The following COL4A3 variants were observed in gnomAD, a reference collection of about 807,000 sequenced individuals.
The protein encoded by COL4A3 is collagen type IV alpha 3 chain.
COL4A3 carries 135 observed loss-of-function variants against 217.4 expected under a neutral mutation model. The ratio of observed to expected loss-of-function variants is 0.62; its 90% CI spans 0.54 to 0.72. The LOEUF (loss-of-function observed/expected upper bound fraction) is 0.72. Ranked by LOEUF, COL4A3 falls within the 30% of genes least tolerant of loss-of-function variation. The pLI, the probability that COL4A3 is intolerant of heterozygous loss-of-function variation, is 0.00. For synonymous variants in COL4A3, 690 were observed against 736.3 expected (o/e 0.94, Z 1.02); for missense variants, 1,868 against 2,119.9 (o/e 0.88, Z 2.33).
chr2:227,304,330 T>C (rs897228928), intron 46 of COL4A3, 186 bp downstream of exon 46: 10 of 673,268 alleles, frequency 1.5e-5, no homozygotes, highest in South Asian at 3.7e-5. Context: ...TTGGAATCTA[T>C]TGAAAGCAGT....
Position 227,284,256 on chromosome 2 carries a change from G to C in COL4A3, c.2792G>C (p.Gly931Ala). ...GTAAAGGGCCAGAGAGGAACCCCAGGAGCCAAGGGGGAACAAGGAGATAAA... is the reference window on the plus strand; with the variant it reads ...GTAAAGGGCCAGAGAGGAACCCCAGCAGCCAAGGGGGAACAAGGAGATAAA... ...PGVKGQRGTP[G>A]AKGEQGDKGN... Residue 931 changes from glycine to alanine, a missense_variant, in exon 34 of 52, where the codon GGA becomes GCA. Coordinates refer to ENST00000396578, the MANE Select transcript of COL4A3 (RefSeq NM_000091.5). 6.2e-7 allele frequency: 1 copy of C among 1,614,068 alleles called. No individual in the cohort carries two copies. Among genetic ancestry groups the C allele is most frequent in the Non-Finnish European group, 8.5e-7 (1 of 1,180,000 alleles).
intron 1 of COL4A3, among the ~76,000 whole-genome samples, chr2:227,232,182 TACC>T (rs1198879063): frequency 6.6e-6 from 1 of 152,242 alleles, no homozygotes; most frequent in Non-Finnish European, 1.5e-5. Flanking sequence ...TGTGTATATG[TACC>T]ACATTTCCTT....
At chr2:227,283,901 T>C (rs2072150459) in intron 33 of COL4A3, 45 bp downstream of exon 33, 1 of 1,493,218 alleles carries the variant, frequency 6.7e-7, no homozygotes, top group Non-Finnish European at 9.3e-7. Flanking sequence ...GCATAAACAA[T>C]GTTCATTTAT....
In COL4A3 at chr2:227,287,424, C is replaced by T. The variant is rs148099329; in HGVS notation, c.2882-1726C>T. Among the ~76,000 whole-genome samples the T allele has an allele frequency of 6.3e-4, 95 of 150,370 alleles. 1 individual carries two copies. Among genetic ancestry groups the T allele is most frequent in the Non-Finnish European group, 1.0e-3 (68 of 67,706 alleles). ...CCAGCATGGCGAGAAAGCAAGACTC[C>T]GTCTCAAAAAAAAAAAAAATGTAAA... On this transcript the variant is annotated intron_variant, in intron 34 of 51. Coordinates refer to ENST00000396578, the MANE Select transcript of COL4A3 (RefSeq NM_000091.5).
chr2:227,214,548 G>A (rs6746920), intron 1 of COL4A3, among the ~76,000 whole-genome samples: 43,165 of 152,102 alleles, frequency 0.28, 6,437 homozygotes, highest in Admixed American at 0.39. Flanking sequence ...TCACTATAGA[G>A]TGTGCCCACA....
chr2:227,283,838 G>T lies in COL4A3; in HGVS notation c.2728G>T (p.Gly910Cys), dbSNP rs749014254. ...IGPPGPPGNP[G>C]TPGQRGSPGI... ...CCCTCCAGGGCCCCCTGGGAACCCA[G>T]GCACACCAGGGCAGAGGGGTAAGTG... The change falls in exon 33 of 52, where the codon GGC (glycine) becomes TGC (cysteine). Residue 910 changes from glycine (G) to cysteine (C), a missense_variant. By Grantham distance (159) the Gly-to-Cys change is radical. Around this residue, in one of 2 missense-constraint regions of COL4A3, gnomAD observed 1,503 missense variants for 1,786.1 expected, o/e 0.84. Coordinates refer to ENST00000396578, the MANE Select transcript of COL4A3 (RefSeq NM_000091.5). 6.2e-7 allele frequency: 1 copy of T among 1,613,760 alleles called. No individual in the cohort carries two copies.
chr2:227,165,776 T>C (rs1402251657), intron 1 of COL4A3, among the ~76,000 whole-genome samples: 1 of 152,210 alleles, frequency 6.6e-6, no homozygotes, highest in Admixed American at 6.5e-5. Flanking sequence ...TTAGAACCTA[T>C]GGTCACATAT....
rs2065165024 is a variant in COL4A3, at chr2:227,164,905, T to C, written c.87+92T>C. 1.5e-6 allele frequency: 2 copies of C among 1,354,872 alleles called. No individual in the cohort carries two copies. Among genetic ancestry groups the C allele is most frequent in the Non-Finnish European group, 1.9e-6 (2 of 1,048,058 alleles). The allele number at this position is 1,354,872 out of a possible 1,614,324, so 83.9% of individuals were successfully genotyped here. On this transcript the variant is annotated intron_variant, in intron 1 of 51. Coordinates refer to ENST00000396578, the MANE Select transcript of COL4A3 (RefSeq NM_000091.5). This position sits in a 1 kb window ranked among gnomAD's most constrained non-coding sequence, Gnocchi z 4.8. ...GCTGGCCCCACCCGCAGCGGCGCGG[T>C]AGTGGAGCGGCTGCCGGGCTAGTGG...
At chr2:227,209,440 T>A (rs1453676907) in intron 1 of COL4A3, among the ~76,000 whole-genome samples, 5 of 152,234 alleles carry the variant, frequency 3.3e-5, no homozygotes, top group Non-Finnish European at 7.3e-5. Context: ...TTCCTTGTTT[T>A]GAATCCTGCT....
At chr2:227,220,340 G>A (rs531788959) in intron 1 of COL4A3, among the ~76,000 whole-genome samples, 77 of 151,906 alleles carry the variant, frequency 5.1e-4, no homozygotes, top group Middle Eastern at 6.8e-3. Context: ...CCGCCACCAC[G>A]CCCAGCTAAT....
intron 35 of COL4A3, among the ~76,000 whole-genome samples, 167 bp downstream of exon 35, chr2:227,289,415 C>CGT (rs2072542135): frequency 1.3e-5 from 2 of 152,120 alleles, no homozygotes; most frequent in Admixed American, 6.6e-5. Context: ...TGATAGTTGG[C>CGT]GTGTCATTAA....
At chr2:227,167,633 C>G (rs1032595827) in intron 1 of COL4A3, among the ~76,000 whole-genome samples, 1 of 152,176 alleles carries the variant, frequency 6.6e-6, no homozygotes, top group African/African-American at 2.4e-5. Flanking sequence ...TGAAAAACAC[C>G]TACATTTGGG....
intron 1 of COL4A3, among the ~76,000 whole-genome samples, chr2:227,212,106 T>G (rs1445114577): frequency 6.6e-6 from 1 of 152,192 alleles, no homozygotes; most frequent in African/African-American, 2.4e-5. Flanking sequence ...TGTTTATGGA[T>G]TATTTGTGTA....
At position 227,235,682 on chromosome 2, in the gene COL4A3, C is replaced by T. The variant is rs1032469246; in HGVS notation, c.88-2286C>T. Among the ~76,000 whole-genome samples the T allele has an allele frequency of 1.4e-4, 21 of 151,836 alleles. 1 individual carries two copies. Among genetic ancestry groups the T allele is most frequent in the South Asian group, 4.2e-4 (2 of 4,792 alleles). On this transcript the variant is annotated intron_variant, in intron 1 of 51. Transcript: ENST00000396578. ...GTTCCCACTGCTAAGTGAGAATATG[C>T]GACGTTTAGTTTTCTATTCCTGAGT... is the stretch of plus-strand genomic sequence containing the variant.
rs959393406 is a variant in COL4A3, at chr2:227,251,097, G to A, written c.547-43G>A. ...ATTAATGGACATTGTTATTAAGTGA[G>A]AAGTAAATTTAAACTTACTCTTATT... On this transcript the variant is annotated intron_variant, in intron 9 of 51. Transcript: ENST00000396578. 181 of 1,369,938 alleles carry A rather than the reference G, an allele frequency of 1.3e-4. 3 individuals are homozygous for A. The Admixed American group carries it at 2.8e-3, about 21-fold the overall frequency. The allele number at this position is 1,369,938 out of a possible 1,614,324, so 84.9% of individuals were successfully genotyped here. A position where few individuals can be genotyped will look rare whatever the true frequency, so the allele number is the denominator to read the frequency against.
At position 227,202,880 on chromosome 2, in the gene COL4A3, C is replaced by CAT. The variant is rs55868261; in HGVS notation, c.88-35085_88-35084dup. On this transcript the variant is annotated intron_variant, in intron 1 of 51. Transcript: ENST00000396578. ...ATATATACATATATGTGTATATATA[C>CAT]ATATGTGTATATATGTGTATATATG... is the stretch of plus-strand genomic sequence containing the variant. 7.9e-4 allele frequency among the ~76,000 whole-genome samples: 15 copies of CAT among 19,012 alleles called. 3 individuals carry two copies. The highest frequency in any genetic ancestry group is 1.1e-3 in the African/African-American group (3 of 2,708). The allele number at this position is 19,012 out of a possible 152,430, so 12.5% of individuals were successfully genotyped here. A position where few individuals can be genotyped will look rare whatever the true frequency, so the allele number is the denominator to read the frequency against.
At chr2:227,202,746 AAT>A (rs56134612) in intron 1 of COL4A3, among the ~76,000 whole-genome samples, 375 of 22,196 alleles carry the variant, frequency 0.017, 14 homozygotes, top group Admixed American at 0.038. Context: ...AAAAAAAAAA[AAT>A]ATATATATAT....
At chr2:227,298,895 T>C (rs967545962) in intron 43 of COL4A3, 83 bp downstream of exon 43, 1 of 1,281,676 alleles carries the variant, frequency 7.8e-7, no homozygotes, top group East Asian at 2.6e-5. Context: ...ATATCATATA[T>C]TGTTGATGTT....
chr2:227,263,636 T>A (rs2070724771), intron 20 of COL4A3, 144 bp from the exon 21 acceptor site: 4 of 819,276 alleles, frequency 4.9e-6, no homozygotes, highest in Admixed American at 2.7e-5. Flanking sequence ...AGCAAGGATA[T>A]TCACTTTTTT....
Sources: allele counts gnomAD v4.1 joint callset (sites outside exome capture counted in the v4.1 genomes callset), GRCh38; gene constraint gnomAD v4.1.1; regional missense constraint gnomAD v4.1.1; non-coding constraint Gnocchi (gnomAD v3.1); transcripts MANE v1.5; gene names NCBI Gene and HGNC (gene_info 2026-07-23, HGNC 2026-07-21).